Variants in SETD7 observed in about 807,000 individuals in gnomAD.
SETD7 encodes SET domain containing 7, histone lysine methyltransferase, also known as histone-lysine N-methyltransferase SETD7.
Under a neutral mutation model 41.8 loss-of-function variants are expected in SETD7, and 16 were observed. That is an observed-to-expected ratio of 0.38 (90% confidence interval 0.26 to 0.58). The LOEUF is 0.58. Ranked by LOEUF, SETD7 falls within the 20% of genes least tolerant of loss-of-function variation. SETD7 has a pLI of 0.64. For missense variants in SETD7, 346 were observed against 459.7 expected (o/e 0.75, Z 2.26); for synonymous variants, 163 against 169.7 (o/e 0.96, Z 0.31).
chr4:139,535,182 A>AT (rs1176171384), intron 2 of SETD7, among the ~76,000 whole-genome samples: 1 of 151,408 alleles, frequency 6.6e-6, no homozygotes, highest in Non-Finnish European at 1.5e-5. Flanking sequence ...TAATGATGTA[A>AT]TTTATGTAGT....
chr4:139,530,993 G>A (rs995606146), intron 3 of SETD7, among the ~76,000 whole-genome samples: 8 of 151,844 alleles, frequency 5.3e-5, no homozygotes, highest in Non-Finnish European at 1.2e-4. Context: ...GGAAAGAAAC[G>A]GCTGCTTTCT....
downstream of SETD7, among the ~76,000 whole-genome samples, chr4:139,502,921 G>A (rs916009031): frequency 6.6e-6 from 1 of 152,006 alleles, no homozygotes; most frequent in Non-Finnish European, 1.5e-5. Flanking sequence ...GGTGGCTCAC[G>A]CCTGTAATCC....
At chr4:139,547,421 T>C (rs551060277) in intron 1 of SETD7, among the ~76,000 whole-genome samples, 1 of 152,356 alleles carries the variant, frequency 6.6e-6, no homozygotes, top group Admixed American at 6.5e-5. Flanking sequence ...ATATTTGGAA[T>C]TGATGCCTCC....
intron 1 of SETD7, among the ~76,000 whole-genome samples, chr4:139,548,603 G>A (rs1270748596): frequency 6.6e-6 from 1 of 152,208 alleles, no homozygotes; most frequent in East Asian, 1.9e-4. Flanking sequence ...CTGCACTCCA[G>A]CGTGGGCAAC....
chr4:139,497,634 G>A (rs1726489903), intron 7 of SETD7, among the ~76,000 whole-genome samples: 1 of 150,156 alleles, frequency 6.7e-6, no homozygotes, highest in Admixed American at 6.7e-5. Flanking sequence ...TTGTTCCCCA[G>A]GCTGGAGTGC....
At chr4:139,531,056 G>C (rs988424651) in intron 3 of SETD7, among the ~76,000 whole-genome samples, 1 of 151,988 alleles carries the variant, frequency 6.6e-6, no homozygotes, top group Non-Finnish European at 1.5e-5. Context: ...TAATTTGACT[G>C]GTGAGCAGCC....
At chr4:139,502,737 C>T (rs1021445399), downstream of SETD7, among the ~76,000 whole-genome samples, 3 of 151,978 alleles carry the variant, frequency 2.0e-5, no homozygotes, top group Non-Finnish European at 4.4e-5. Flanking sequence ...GAAGCAGAGG[C>T]GGGAAGAGGG....
chr4:139,505,792 T>C (rs1433760937), downstream of SETD7, among the ~76,000 whole-genome samples: 1 of 152,214 alleles, frequency 6.6e-6, no homozygotes, highest in African/African-American at 2.4e-5. Flanking sequence ...ACCCTTACCA[T>C]GTATGTATTC....
chr4:139,511,625 T>C lies in SETD7; in HGVS notation c.*38A>G. The C allele has an allele frequency of 2.5e-6, 4 of 1,612,350 alleles. No individual in the cohort carries two copies. The highest frequency in any genetic ancestry group is 3.4e-6 in the Non-Finnish European group (4 of 1,179,676). ...GATAAACGTAGTGCATAGATCCAAG[T>C]TTCTATTCCAGGTCTCTGAACCCCA... On this transcript the variant is annotated 3_prime_UTR_variant, in exon 8 of 8. Coordinates refer to ENST00000274031, the MANE Select transcript of SETD7 (RefSeq NM_030648.4).
At chr4:139,547,082 C>A in intron 1 of SETD7, 33 bp from the exon 2 acceptor site, 1 of 1,612,376 alleles carries the variant, frequency 6.2e-7, no homozygotes, top group Non-Finnish European at 8.5e-7. Flanking sequence ...CAAACCTTAA[C>A]ATCTTCAGTG....
At position 139,506,097 on chromosome 4, in the gene SETD7, A is replaced by G. The variant is rs1385111001; in HGVS notation, c.*5566T>C. 2 of 152,634 alleles carry G rather than the reference A, an allele frequency of 1.3e-5. No individual in the cohort carries two copies. The highest frequency in any genetic ancestry group is 6.5e-5 in the Admixed American group (1 of 15,274). 9.5% of individuals were successfully genotyped at this position (152,634 alleles called of 1,614,324 possible). On this transcript the variant is annotated 3_prime_UTR_variant, in exon 8 of 8. Transcript: ENST00000274031. ...CTATAGCGCAATTATAGCAATCTTTAAATTTACTTTCATTACAAATATTTG... is the reference window on the plus strand; with the variant it reads ...CTATAGCGCAATTATAGCAATCTTTGAATTTACTTTCATTACAAATATTTG...
chr4:139,496,512 C>A, exon 8 of SETD7: 1 of 701,960 alleles, frequency 1.4e-6, no homozygotes, highest in South Asian at 1.5e-5. Flanking sequence ...CCAGGTGATT[C>A]TTCTGGCCAC....
chr4:139,530,223 G>A (rs17050800), intron 3 of SETD7, among the ~76,000 whole-genome samples: 22,443 of 151,942 alleles, frequency 0.15, 2,191 homozygotes, highest in African/African-American at 0.27. Context: ...ACCTTAGGGA[G>A]TTTGATTTAA....
At chr4:139,537,227 G>A (rs892020946) in intron 2 of SETD7, among the ~76,000 whole-genome samples, 1 of 152,096 alleles carries the variant, frequency 6.6e-6, no homozygotes, top group African/African-American at 2.4e-5. Context: ...TGCCCACCTC[G>A]GCCTCCCAAA....
intron 4 of SETD7, among the ~76,000 whole-genome samples, chr4:139,526,914 T>C (rs1445716227): frequency 6.6e-6 from 1 of 152,248 alleles, no homozygotes; most frequent in African/African-American, 2.4e-5. Context: ...ATATCACAGT[T>C]TGTAGTTCAA....
intron 5 of SETD7, 101 bp from the exon 6 acceptor site, chr4:139,520,495 C>A: frequency 1.7e-6 from 1 of 598,976 alleles, no homozygotes; most frequent in South Asian, 3.2e-5. Context: ...TCCAAAATGT[C>A]AATTCATAAC....
chr4:139,496,548 G>T, intron 7 of SETD7: 1 of 700,062 alleles, frequency 1.4e-6, no homozygotes, highest in South Asian at 1.5e-5. Flanking sequence ...AACTGGCTGA[G>T]AACGTTTTCA....
chr4:139,503,449 C>A (rs747563542), downstream of SETD7, among the ~76,000 whole-genome samples: 2 of 152,058 alleles, frequency 1.3e-5, no homozygotes, highest in African/African-American at 2.4e-5. Context: ...TCTACTTCTG[C>A]GACCATGTGC....
At chr4:139,499,730 T>C (rs897735810) in intron 7 of SETD7, among the ~76,000 whole-genome samples, 3 of 152,218 alleles carry the variant, frequency 2.0e-5, no homozygotes, top group African/African-American at 4.8e-5. Flanking sequence ...CCTGTCTTCC[T>C]GCTTGGCTGG....
Sources: gnomAD v4.1 joint callset for allele counts (sites outside exome capture counted in the v4.1 genomes callset) on GRCh38, gnomAD v4.1.1 for gene constraint, MANE v1.5 for transcripts, NCBI Gene and HGNC (gene_info 2026-07-23, HGNC 2026-07-21) for gene names.